Variants in NCR3LG1 observed in about 807,000 individuals in gnomAD.
NCR3LG1 encodes the protein natural cytotoxicity triggering receptor 3 ligand 1.
In NCR3LG1, 35 loss-of-function variants were observed where a neutral mutation model predicts 34.8. That is an observed-to-expected ratio of 1.01 (90% CI 0.77 to 1.33). The LOEUF is 1.33. Among genes scored for constraint, NCR3LG1 ranks in the 40% most tolerant of loss-of-function variants. The pLI is 0.00. For synonymous variants in NCR3LG1, 173 were observed against 163.6 expected (o/e 1.06, Z -0.44); for missense variants, 452 against 423.3 (o/e 1.07, Z -0.60).
chr11:17,355,902 A>T (rs550125781), intron 1 of NCR3LG1, among the ~76,000 whole-genome samples: 40 of 152,212 alleles, frequency 2.6e-4, no homozygotes, highest in Middle Eastern at 6.8e-3. Flanking sequence ...GGCACAAGGG[A>T]TCCTCTCACC....
chr11:17,356,136 C>CTTTTT (rs71457872), intron 1 of NCR3LG1, among the ~76,000 whole-genome samples: 21 of 104,560 alleles, frequency 2.0e-4, no homozygotes, highest in Non-Finnish European at 2.5e-4. Context: ...TTCTTTCTTT[C>CTTTTT]TTTTTTTTTT....
intron 2 of NCR3LG1, among the ~76,000 whole-genome samples, chr11:17,363,563 C>T (rs904104286): frequency 8.6e-6 from 1 of 115,888 alleles, no homozygotes; most frequent in African/African-American, 3.1e-5. Flanking sequence ...TTCCTTCCTT[C>T]CTTCCTCTTT....
rs1490052375 is a variant in NCR3LG1, at chr11:17,351,953, C to T, written c.-17C>T. 2.0e-6 allele frequency: 3 copies of T among 1,528,662 alleles called. No homozygotes were observed. The African/African-American group carries it at 4.1e-5, about 21-fold the overall frequency. 94.7% of individuals were successfully genotyped at this position (1,528,662 alleles called of 1,614,324 possible). Reference sequence around the variant, plus strand: ...CTCCCACTCGGCGAAAAAAATTACACAACAGCAGCCGCGGCGATGACGTGG... The same window carrying T: ...CTCCCACTCGGCGAAAAAAATTACATAACAGCAGCCGCGGCGATGACGTGG... On this transcript the variant is annotated 5_prime_UTR_variant, in exon 1 of 5. An upstream open reading frame in the 5' UTR gains an earlier in-frame stop. Transcript: ENST00000338965.
At chr11:17,370,243 T>C (rs1200422603) in intron 4 of NCR3LG1, among the ~76,000 whole-genome samples, 1 of 152,232 alleles carries the variant, frequency 6.6e-6, no homozygotes, top group African/African-American at 2.4e-5. Flanking sequence ...CTTTTGCTTA[T>C]TAAACTTTCA....
intron 3 of NCR3LG1, 58 bp downstream of exon 3, chr11:17,367,405 A>G (rs1953358217): frequency 7.6e-7 from 1 of 1,311,892 alleles, no homozygotes. Context: ...ATAACATAAG[A>G]CTTATTCCCA....
rs1278050970 is a variant in NCR3LG1, at chr11:17,376,861, G to A, written c.*4349G>A. On this transcript the variant is annotated 3_prime_UTR_variant, in exon 5 of 5. Transcript: ENST00000338965. ...CGGAAGTTTGGAGAAAAAGACATAA[G>A]AAGGATGATCTAAGAAAATTGGAAG... 1 of 152,168 alleles carries A rather than the reference G, an allele frequency of 6.6e-6. No homozygotes were observed. The highest frequency in any genetic ancestry group is 1.5e-5 in the Non-Finnish European group (1 of 68,036). 9.4% of individuals were successfully genotyped at this position (152,168 alleles called of 1,614,324 possible).
chr11:17,362,691 C>CCTTCCTTT (rs1953285399), intron 2 of NCR3LG1, among the ~76,000 whole-genome samples: 3 of 33,140 alleles, frequency 9.1e-5, no homozygotes, highest in East Asian at 9.0e-4. Flanking sequence ...TTCCTTCCTT[C>CCTTCCTTT]CTTTCTTTCT....
At chr11:17,364,046 CA>C (rs1199524763) in intron 2 of NCR3LG1, among the ~76,000 whole-genome samples, 1 of 152,080 alleles carries the variant, frequency 6.6e-6, no homozygotes, top group Admixed American at 6.5e-5. Flanking sequence ...ATTATTTATT[CA>C]AATTATTTCT....
chr11:17,374,803 G>C lies in NCR3LG1; in HGVS notation c.*2291G>C, dbSNP rs1312703159. On this transcript the variant is annotated 3_prime_UTR_variant, in exon 5 of 5. Coordinates refer to ENST00000338965, the MANE Select transcript of NCR3LG1 (RefSeq NM_001202439.3). ...TGGCTAAAACTCACTTCCTGACCTG[G>C]GAACCTGAAGGTCAAAAGGCCATTA... 1 of 152,156 alleles carries C rather than the reference G, an allele frequency of 6.6e-6. No individual in the cohort carries two copies. Among genetic ancestry groups the C allele is most frequent in the Non-Finnish European group, 1.5e-5 (1 of 68,028 alleles). 9.4% of individuals were successfully genotyped at this position (152,156 alleles called of 1,614,324 possible). A position where few individuals can be genotyped will look rare whatever the true frequency, so the allele number is the denominator to read the frequency against.
At chr11:17,355,787 C>CTTAT (rs765511955) in intron 1 of NCR3LG1, among the ~76,000 whole-genome samples, 12 of 151,944 alleles carry the variant, frequency 7.9e-5, no homozygotes, top group African/African-American at 1.4e-4. Context: ...CATGTCTTTT[C>CTTAT]TTATTTATTT....
At position 17,372,070 on chromosome 11, in the gene NCR3LG1, T is replaced by C; in HGVS notation, c.923T>C (p.Phe308Ser). The change falls in exon 5 of 5, where the codon TTT (phenylalanine) becomes TCT (serine). Residue 308 changes from phenylalanine (F) to serine (S), a missense_variant. Transcript: ENST00000338965. ...TGCATTCTGAAACACTGGAACTCCT[T>C]TGACACTCAGACTCTGAAGAAAGAG... is the stretch of plus-strand genomic sequence containing the variant. Reference protein sequence around the residue: ...LKCILKHWNSFDTQTLKKEHL... With the variant: ...LKCILKHWNSSDTQTLKKEHL... The C allele has an allele frequency of 1.4e-6, 1 of 702,940 alleles. No individual in the cohort carries two copies. The highest frequency in any genetic ancestry group is 2.6e-6 in the Non-Finnish European group (1 of 384,994). The allele number at this position is 702,940 out of a possible 1,614,324, so 43.5% of individuals were successfully genotyped here.
rs147500995 is a variant in NCR3LG1, at chr11:17,367,128, A to T, written c.541A>T (p.Thr181Ser). Residue 181 changes from threonine (T) to serine (S), a missense_variant, in exon 3 of 5, where the codon ACC (threonine) becomes TCC (serine). Physicochemically the swap from Thr to Ser is moderately conservative, Grantham distance 58. Coordinates refer to ENST00000338965, the MANE Select transcript of NCR3LG1 (RefSeq NM_001202439.3). ...TATTAATATAACATGGGAGAAGCAG[A>T]CCCAGAAGTTTCCCCATCCCATAGA... ...EAINITWEKQ[T>S]QKFPHPIEIS... 34 of 1,536,456 alleles carry T rather than the reference A, an allele frequency of 2.2e-5. No individual in the cohort carries two copies. In the East Asian group the frequency reaches 7.8e-4, roughly 35 times the overall value.
intron 2 of NCR3LG1, among the ~76,000 whole-genome samples, chr11:17,362,722 TTCTTTCTTTC>T (rs1411092783): frequency 9.2e-6 from 1 of 108,528 alleles, no homozygotes; most frequent in Non-Finnish European, 1.7e-5. Flanking sequence ...CTTTCTTTCT[TTCTTTCTTTC>T]TTTCTTTCTT....
Position 17,353,979 on chromosome 11 carries a change from G to GA in NCR3LG1, c.70+1950dup, listed in dbSNP as rs543886083. Among the ~76,000 whole-genome samples, 925 of 149,788 alleles carry GA rather than the reference G, an allele frequency of 6.2e-3. 8 individuals carry two copies. Among genetic ancestry groups the GA allele is most frequent in the Non-Finnish European group, 9.2e-3 (621 of 67,282 alleles). ...TGGAAGCAAATTTAAAGTGGTACAA[G>GA]AAAAAAAAAATCCAGTCATACAAAG... On this transcript the variant is annotated intron_variant, in intron 1 of 4. Transcript: ENST00000338965.
intron 2 of NCR3LG1, among the ~76,000 whole-genome samples, chr11:17,362,933 T>C (rs1953298504): frequency 8.9e-6 from 1 of 111,800 alleles, no homozygotes; most frequent in African/African-American, 3.5e-5. Flanking sequence ...TTCTCTTCCC[T>C]TTCTTCCTGC....
chr11:17,369,965 G>A (rs891175658), intron 4 of NCR3LG1, among the ~76,000 whole-genome samples: 3 of 152,162 alleles, frequency 2.0e-5, no homozygotes, highest in Admixed American at 6.5e-5. Flanking sequence ...GTACAGGGGG[G>A]CTTGCCTAAA....
intron 1 of NCR3LG1, among the ~76,000 whole-genome samples, chr11:17,354,765 C>T (rs1344613395): frequency 6.6e-6 from 1 of 151,838 alleles, no homozygotes; most frequent in Non-Finnish European, 1.5e-5. Flanking sequence ...AGCTTGTCAC[C>T]GCGTTTCCCT....
At chr11:17,356,589 C>G (rs1953208139) in intron 1 of NCR3LG1, 62 bp from the exon 2 acceptor site, 2 of 1,206,594 alleles carry the variant, frequency 1.7e-6, no homozygotes, top group Non-Finnish European at 2.3e-6. Context: ...CAGTCCATAG[C>G]ACATCTCAAA....
rs192055172 is a variant in NCR3LG1, at chr11:17,376,372, C to T, written c.*3860C>T. 1 of 152,332 alleles carries T rather than the reference C, an allele frequency of 6.6e-6. No homozygotes were observed. Among genetic ancestry groups the T allele is most frequent in the East Asian group, 1.9e-4 (1 of 5,188 alleles). The allele number at this position is 152,332 out of a possible 1,614,324, so 9.4% of individuals were successfully genotyped here. A position where few individuals can be genotyped will look rare whatever the true frequency, so the allele number is the denominator to read the frequency against. On this transcript the variant is annotated 3_prime_UTR_variant, in exon 5 of 5. Transcript: ENST00000338965. The stretch of plus-strand genomic sequence containing the variant: ...GGTCCCTCATTTAAAGAAGCCTCTA[C>T]CCAGTAGGGCCGAGTCTGCTAGGAC...
Sources: allele counts gnomAD v4.1 joint callset (sites outside exome capture counted in the v4.1 genomes callset), GRCh38; gene constraint gnomAD v4.1.1; transcripts MANE v1.5; gene names NCBI Gene and HGNC (gene_info 2026-07-23, HGNC 2026-07-21).